SYNE3: variants seen among roughly 807,000 people sequenced by gnomAD.
SYNE3 encodes the protein spectrin repeat containing nuclear envelope family member 3, also known as nesprin-3.
Under a neutral mutation model 111.2 loss-of-function variants are expected in SYNE3, and 100 were observed. That is an observed-to-expected ratio of 0.90 (90% CI 0.77 to 1.06). The LOEUF (loss-of-function observed/expected upper bound fraction) is 1.06. SYNE3 is among the 50% of genes least tolerant of loss of function. SYNE3 has a pLI of 0.00. For synonymous variants in SYNE3, 547 were observed against 533.9 expected, an observed-to-expected ratio of 1.02 and a Z score of -0.34; for missense variants, 1,160 against 1,240.3, an observed-to-expected ratio of 0.94 and a Z score of 0.97.
At chr14:95,428,106 G>T (rs1885542347) in intron 17 of SYNE3, among the ~76,000 whole-genome samples, 1 of 152,176 alleles carries the variant, frequency 6.6e-6, no homozygotes, top group South Asian at 2.1e-4. Flanking sequence ...TTCAATGTAA[G>T]GAGAAATGAG....
intron 6 of SYNE3, among the ~76,000 whole-genome samples, chr14:95,453,961 G>A (rs1470983517): frequency 6.6e-6 from 1 of 152,246 alleles, no homozygotes; most frequent in Non-Finnish European, 1.5e-5. Context: ...AATGTTGTCA[G>A]GTTTAGTTTG....
intron 10 of SYNE3, 75 bp from the exon 11 acceptor site, chr14:95,443,364 C>T (rs577523904): frequency 1.3e-6 from 2 of 1,571,036 alleles, no homozygotes; most frequent in South Asian, 2.4e-5. Context: ...CAGGGCAGAG[C>T]CTCTGAGTGG....
At position 95,470,482 on chromosome 14, in the gene SYNE3, T is replaced by A. The variant is rs1251821410; in HGVS notation, c.145-2515A>T. Among the ~76,000 whole-genome samples, 1 of 146,542 alleles carries A rather than the reference T, an allele frequency of 6.8e-6. No homozygotes were observed. The highest frequency in any genetic ancestry group is 6.8e-5 in the Admixed American group (1 of 14,804). ...CCCATCTCTCCAAAAGCATTTTTTTTAATTAAAAAAAAAAAAAAACTAGCC... is the reference window on the plus strand; with the variant it reads ...CCCATCTCTCCAAAAGCATTTTTTTAAATTAAAAAAAAAAAAAAACTAGCC... On this transcript the variant is annotated intron_variant, in intron 2 of 17. Coordinates refer to ENST00000682763, the MANE Select transcript of SYNE3 (RefSeq NM_152592.6). This position sits in a 1 kb window ranked among gnomAD's most constrained non-coding sequence, Gnocchi z 4.2.
Position 95,443,296 on chromosome 14 carries a change from TAGAGA to T in SYNE3, c.1777-12_1777-8del, listed in dbSNP as rs1886511778. The T allele has an allele frequency of 6.2e-7, 1 of 1,614,092 alleles. No homozygotes were observed. On this transcript the variant is annotated splice_polypyrimidine_tract_variant and splice_region_variant and intron_variant, in intron 10 of 17. Coordinates refer to ENST00000682763, the MANE Select transcript of SYNE3 (RefSeq NM_152592.6). ...GCCCCTCTTCCTGCAGCCCCTGCAG[TAGAGA>T]AGGGAACAGGTAGGCTAATCTTCCC...
intron 8 of SYNE3, among the ~76,000 whole-genome samples, chr14:95,447,108 T>C (rs1282720319): frequency 6.6e-6 from 1 of 151,382 alleles, no homozygotes; most frequent in Admixed American, 6.6e-5. Context: ...GGTAAGTCAC[T>C]TCAATACAAG....
chr14:95,469,005 A>G (rs890402856), intron 2 of SYNE3, among the ~76,000 whole-genome samples: 2 of 152,202 alleles, frequency 1.3e-5, no homozygotes, highest in African/African-American at 4.8e-5. Context: ...ATGAGGGAAG[A>G]TAAGCATTAG....
At chr14:95,418,139 G>A in intron 17 of SYNE3, 113 bp from the exon 18 acceptor site, 1 of 1,055,026 alleles carries the variant, frequency 9.5e-7, no homozygotes, top group East Asian at 2.4e-5. Flanking sequence ...CTGACTGTAT[G>A]ACAGTACACA....
intron 14 of SYNE3, chr14:95,438,820 C>A: frequency 1.7e-6 from 1 of 599,384 alleles, no homozygotes; most frequent in Non-Finnish European, 2.8e-6. Context: ...TGGCCTGGCT[C>A]TGCAGACTCT....
chr14:95,516,571 G>A (rs970521265), intron 1 of SYNE3, among the ~76,000 whole-genome samples, 25 bp downstream of exon 1: 2 of 105,592 alleles, frequency 1.9e-5, no homozygotes, highest in African/African-American at 5.8e-5. Flanking sequence ...CCCCAGGCCT[G>A]GCCTCCCGGC....
chr14:95,474,959 G>T (rs1461680281), intron 2 of SYNE3, among the ~76,000 whole-genome samples: 1 of 152,238 alleles, frequency 6.6e-6, no homozygotes, highest in Non-Finnish European at 1.5e-5. Flanking sequence ...TCCATTTGCA[G>T]ATGGGAAAAC....
At chr14:95,433,120 T>C in intron 16 of SYNE3, 140 bp downstream of exon 16, 1 of 1,261,730 alleles carries the variant, frequency 7.9e-7, no homozygotes. Flanking sequence ...CCCTGTCCTC[T>C]GCCTGAGTGG....
chr14:95,508,334 A>C (rs896857446), intron 1 of SYNE3, among the ~76,000 whole-genome samples: 1 of 152,226 alleles, frequency 6.6e-6, no homozygotes, highest in African/African-American at 2.4e-5. Context: ...GGAATCTTAG[A>C]TGGCACCCAA....
chr14:95,504,165 A>G (rs528192154), intron 1 of SYNE3, among the ~76,000 whole-genome samples: 26 of 152,370 alleles, frequency 1.7e-4, no homozygotes, highest in South Asian at 6.2e-4. Context: ...GTGTCTATAA[A>G]GTTTTATTGG....
In SYNE3 at chr14:95,439,024, C is replaced by G. The variant is rs753950082; in HGVS notation, c.2376+9G>C. On this transcript the variant is annotated intron_variant, in intron 14 of 17. Coordinates refer to ENST00000682763, the MANE Select transcript of SYNE3 (RefSeq NM_152592.6). ...CCCCTTCTCCCACAGCCCTGCTAGA[C>G]AGACTCACGCGTCGACGATGCCTGG... 9 of 1,613,824 alleles carry G rather than the reference C, an allele frequency of 5.6e-6. No homozygotes were observed. Among genetic ancestry groups the G allele is most frequent in the African/African-American group, 1.3e-5 (1 of 75,070 alleles).
chr14:95,424,703 A>C (rs773662044), intron 17 of SYNE3, among the ~76,000 whole-genome samples: 3 of 152,214 alleles, frequency 2.0e-5, no homozygotes, highest in Non-Finnish European at 2.9e-5. Context: ...AATCACAAGG[A>C]AACAGCAGGG....
rs151205665 is a variant in SYNE3, at chr14:95,409,143, T to C, written c.*8683A>G. On this transcript the variant is annotated 3_prime_UTR_variant, in exon 18 of 18. Coordinates refer to ENST00000682763, the MANE Select transcript of SYNE3 (RefSeq NM_152592.6). ...GAAAGCAACTGAGGCCCAGGGAACA[T>C]TCCATAGAGTGGAGCACTGGGCTCG... is the stretch of plus-strand genomic sequence containing the variant. 6,687 of 456,706 alleles carry C rather than the reference T, an allele frequency of 0.015. 88 individuals are homozygous for C. The highest frequency in any genetic ancestry group is 0.018 in the South Asian group (1,175 of 64,566). The allele number at this position is 456,706 out of a possible 1,614,324, so 28.3% of individuals were successfully genotyped here.
At chr14:95,476,269 G>A (rs1389184056) in intron 1 of SYNE3, among the ~76,000 whole-genome samples, 2 of 152,222 alleles carry the variant, frequency 1.3e-5, no homozygotes, top group African/African-American at 4.8e-5. Flanking sequence ...TCTGGGCATG[G>A]GCCAAGCTGA....
In SYNE3 at chr14:95,422,509, G is replaced by A. The variant is rs554445342; in HGVS notation, c.2728-4483C>T. On this transcript the variant is annotated intron_variant, in intron 17 of 17. Coordinates refer to ENST00000682763, the MANE Select transcript of SYNE3 (RefSeq NM_152592.6). ...TCTCACAAGAAACAGCAATTAGAAC[G>A]ACAACAAAAGTCTCTGGGGCCTCTG... Among the ~76,000 whole-genome samples the A allele has an allele frequency of 1.2e-3, 185 of 152,238 alleles. 3 individuals are homozygous for A. Among genetic ancestry groups the A allele is most frequent in the African/African-American group, 4.0e-3 (165 of 41,548 alleles).
Position 95,475,671 on chromosome 14 carries a change from T to C in SYNE3, c.144+7A>G. The C allele has an allele frequency of 6.5e-7, 1 of 1,540,472 alleles. No homozygotes were observed. The highest frequency in any genetic ancestry group is 2.0e-5 in the Admixed American group (1 of 49,706). On this transcript the variant is annotated splice_region_variant and intron_variant, in intron 2 of 17. Transcript: ENST00000682763. ...ACAGGGCCATCTGAGGCCACGCCTC[T>C]GCATACCTCGGTCTCCCACAGCCTG...
Sources: gnomAD v4.1 joint callset for allele counts (sites outside exome capture counted in the v4.1 genomes callset) on GRCh38, gnomAD v4.1.1 for gene constraint, Gnocchi (gnomAD v3.1) non-coding constraint, MANE v1.5 for transcripts, NCBI Gene and HGNC (gene_info 2026-07-23, HGNC 2026-07-21) for gene names.